BCR: variants seen among roughly 807,000 people sequenced by gnomAD.
The protein encoded by BCR is BCR activator of RhoGEF and GTPase.
In BCR, 58 loss-of-function variants were observed where a neutral mutation model predicts 138.6. The ratio of observed to expected loss-of-function variants is 0.42; its 90% CI spans 0.34 to 0.52. The LOEUF (loss-of-function observed/expected upper bound fraction) is 0.52. Ranked by LOEUF, BCR falls within the 20% of genes least tolerant of loss-of-function variation. The pLI is 0.06. For missense variants in BCR, 1,599 were observed against 1,727.2 expected (o/e 0.93, Z 1.32); for synonymous variants, 786 against 730.1 (o/e 1.08, Z -1.23).
intron 8 of BCR, 51 bp from the exon 9 acceptor site, chr22:23,283,926 C>G: frequency 6.6e-7 from 1 of 1,519,448 alleles, no homozygotes; most frequent in South Asian, 1.2e-5. Flanking sequence ...CGAACACCCC[C>G]CACCCATCAC....
intron 1 of BCR, among the ~76,000 whole-genome samples, chr22:23,213,500 G>A (rs771924199): frequency 6.6e-6 from 1 of 152,242 alleles, no homozygotes; most frequent in African/African-American, 2.4e-5. Flanking sequence ...TCTAGGGTAA[G>A]GCACACCGTG....
In BCR at chr22:23,181,008, G is replaced by C. The variant is rs372973719; in HGVS notation, c.48G>C (p.Pro16=). The change falls in exon 1 of 23, where the codon CCG becomes CCC. Residue 16 remains proline, a synonymous_variant. Coordinates refer to ENST00000305877, the MANE Select transcript of BCR (RefSeq NM_004327.4). The part of the protein sequence containing the change: ...GFAEAWKAQF[P]DSEPPRMELR... ...CGGAGGCGTGGAAGGCGCAGTTCCC[G>C]GACTCAGAGCCCCCGCGCATGGAGC... 5.4e-5 allele frequency: 80 copies of C among 1,481,676 alleles called. No homozygotes were observed. The highest frequency in any genetic ancestry group is 1.8e-4 in the Middle Eastern group (1 of 5,528). The allele number at this position is 1,481,676 out of a possible 1,614,324, so 91.8% of individuals were successfully genotyped here.
In BCR at chr22:23,192,587, T is replaced by G. The variant is rs537558649; in HGVS notation, c.1279+10348T>G. ...CAGCTGTCTAGGAACATGTTTCCCC[T>G]CTCATTTTGCAAATCTCCAAGATAG... On this transcript the variant is annotated intron_variant, in intron 1 of 22. Coordinates refer to ENST00000305877, the MANE Select transcript of BCR (RefSeq NM_004327.4). 4.6e-5 allele frequency among the ~76,000 whole-genome samples: 7 copies of G among 152,324 alleles called. No individual in the cohort carries two copies. The East Asian group carries it at 1.4e-3, about 29-fold the overall frequency.
Position 23,290,360 on chromosome 22 carries a change from A to G in BCR, c.2729A>G (p.Tyr910Cys), listed in dbSNP as rs35537221. Residue 910 changes from tyrosine (Y) to cysteine (C), a missense_variant, in exon 14 of 23, where the codon TAT becomes TGT. Tyr to Cys is a radical substitution (Grantham distance 194). Transcript: ENST00000305877. ...GCAGATGATGAGTCTCCGGGGCTCT[A>G]TGGGTTTCTGAATGTCATCGTCCAC... ...NKEDDESPGLYGFLNVIVHSA... is the reference protein window; with the variant it reads ...NKEDDESPGLCGFLNVIVHSA... 6.4e-3 allele frequency: 10,370 copies of G among 1,613,982 alleles called. 487 individuals carry two copies. In the Admixed American group the frequency reaches 0.11, roughly 18 times the overall value.
intron 16 of BCR, among the ~76,000 whole-genome samples, 162 bp downstream of exon 16, chr22:23,295,317 C>T (rs1450780839): frequency 6.6e-6 from 1 of 152,118 alleles, no homozygotes; most frequent in Non-Finnish European, 1.5e-5. Flanking sequence ...CCGGTGCCTG[C>T]ATGTATCTTG....
chr22:23,281,647 G>C (rs988487170), intron 8 of BCR, among the ~76,000 whole-genome samples: 1 of 151,918 alleles, frequency 6.6e-6, no homozygotes, highest in South Asian at 2.1e-4. Context: ...TGTGGCTTTC[G>C]GGCTTCTCTC....
chr22:23,200,463 C>T (rs1225271029), intron 1 of BCR, among the ~76,000 whole-genome samples: 3 of 151,872 alleles, frequency 2.0e-5, no homozygotes, highest in African/African-American at 7.3e-5. Flanking sequence ...TACAGGCATG[C>T]ACCACCATCC....
chr22:23,219,043 A>T (rs1460212391), intron 1 of BCR, among the ~76,000 whole-genome samples: 1 of 152,158 alleles, frequency 6.6e-6, no homozygotes, highest in Admixed American at 6.5e-5. Context: ...CATTCCTGCC[A>T]TGCCGCTGCC....
rs1032732987 is a variant in BCR at position 23,181,701 on chromosome 22, G to A, written c.741G>A (p.Glu247=). The A allele has an allele frequency of 1.9e-6, 3 of 1,604,522 alleles. No homozygotes were observed. The highest frequency in any genetic ancestry group is 8.5e-7 in the Non-Finnish European group (1 of 1,179,928). ...ESSCGVDGDY[E]DAELNPRFLK... ...GCTGCGGCGTCGACGGCGACTACGA[G>A]GACGCCGAGTTGAACCCCCGCTTCC... Residue 247 remains glutamate, a synonymous_variant, in exon 1 of 23, where the codon GAG becomes GAA. Transcript: ENST00000305877.
rs767228870 is a variant in BCR, at chr22:23,314,088, C to A, written c.3563+15C>A. 6 of 1,603,552 alleles carry A rather than the reference C, an allele frequency of 3.7e-6. No individual in the cohort carries two copies. Among genetic ancestry groups the A allele is most frequent in the Non-Finnish European group, 4.3e-6 (5 of 1,172,172 alleles). On this transcript the variant is annotated intron_variant, in intron 21 of 22. Coordinates refer to ENST00000305877, the MANE Select transcript of BCR (RefSeq NM_004327.4). Reference sequence around the variant, plus strand: ...CACCTGAAAAGGTAGCCCAGCTCTCCCATGGCAGCCCAGGGCTCCAGGTCC... The same window carrying A: ...CACCTGAAAAGGTAGCCCAGCTCTCACATGGCAGCCCAGGGCTCCAGGTCC...
At chr22:23,273,854 G>C in intron 8 of BCR, 80 bp downstream of exon 8, 1 of 1,579,440 alleles carries the variant, frequency 6.3e-7, no homozygotes, top group Non-Finnish European at 8.7e-7. Context: ...CTGAGGTCTG[G>C]AGCCCTTCCT....
intron 5 of BCR, among the ~76,000 whole-genome samples, chr22:23,270,856 T>C (rs1652813494): frequency 6.6e-6 from 1 of 152,272 alleles, no homozygotes; most frequent in Non-Finnish European, 1.5e-5. Flanking sequence ...CCTAGGCTAT[T>C]CACTTACAAG....
chr22:23,263,870 T>TG, intron 4 of BCR: 1 of 967,268 alleles, frequency 1.0e-6, no homozygotes, highest in South Asian at 1.3e-5. Context: ...TCTGGTCTGT[T>TG]GCTATCAGGC....
At chr22:23,225,258 G>A (rs1024092788) in intron 1 of BCR, among the ~76,000 whole-genome samples, 5 of 151,442 alleles carry the variant, frequency 3.3e-5, no homozygotes, top group African/African-American at 9.7e-5. Context: ...ACCCTAAGGC[G>A]CATGGACCAG....
chr22:23,251,186 C>T (rs571629891), intron 1 of BCR: 4 of 152,392 alleles, frequency 2.6e-5, no homozygotes, highest in South Asian at 2.1e-4. Context: ...AGACAGAACC[C>T]GGCCCGGACT....
Position 23,315,546 on chromosome 22 carries a change from G to A in BCR, c.*24G>A. The A allele has an allele frequency of 6.2e-7, 1 of 1,605,014 alleles. No individual in the cohort carries two copies. Among genetic ancestry groups the A allele is most frequent in the Non-Finnish European group, 8.5e-7 (1 of 1,173,744 alleles). Reference sequence around the variant, plus strand: ...AAAGGTCCCAGTCCATCTCCTGGAGGCGGACAGATGGCCTGGAAACCTCTG... The same window carrying A: ...AAAGGTCCCAGTCCATCTCCTGGAGACGGACAGATGGCCTGGAAACCTCTG... On this transcript the variant is annotated 3_prime_UTR_variant, in exon 23 of 23. Transcript: ENST00000305877.
intron 16 of BCR, among the ~76,000 whole-genome samples, chr22:23,308,758 G>A (rs2073975513): frequency 6.6e-6 from 1 of 152,206 alleles, no homozygotes; most frequent in Non-Finnish European, 1.5e-5. Context: ...GGTCATGACA[G>A]GGTGTTACAT....
chr22:23,292,167 G>C (rs756884279), intron 14 of BCR, among the ~76,000 whole-genome samples: 7 of 152,172 alleles, frequency 4.6e-5, no homozygotes, highest in African/African-American at 1.7e-4. Context: ...ACATCCCCCA[G>C]GATGGCTGCC....
intron 1 of BCR, among the ~76,000 whole-genome samples, chr22:23,193,711 C>G (rs924477880): frequency 1.3e-5 from 2 of 152,202 alleles, no homozygotes; most frequent in African/African-American, 4.8e-5. Context: ...CTGAGTTGCC[C>G]TGTGCTTGAG....
Sources: allele counts gnomAD v4.1 joint callset (sites outside exome capture counted in the v4.1 genomes callset), GRCh38; gene constraint gnomAD v4.1.1; transcripts MANE v1.5; gene names NCBI Gene and HGNC (gene_info 2026-07-23, HGNC 2026-07-21).